Variants in DMD observed in about 807,000 individuals in gnomAD.
DMD encodes the protein dystrophin, also known as mutant dystrophin.
In DMD, 63 loss-of-function variants were observed where a neutral mutation model predicts 330.1. The ratio of observed to expected loss-of-function variants is 0.19; its 90% CI spans 0.16 to 0.24. The LOEUF (loss-of-function observed/expected upper bound fraction) is 0.24. Among genes scored for constraint, DMD ranks in the 10% least tolerant of loss-of-function variants. The pLI is 1.00. For synonymous variants in DMD, 1,223 were observed against 959.8 expected (o/e 1.27, Z -5.07); for missense variants, 3,344 against 2,684.1 (o/e 1.25, Z -5.43).
chrX:32,126,176 C>A (rs1299761783), intron 44 of DMD, among the ~76,000 whole-genome samples: 2 of 112,267 alleles, frequency 1.8e-5, no homozygotes, highest in East Asian at 2.8e-4. Context: ...AAGCTGTAGA[C>A]CACATTGGTA....
intron 2 of DMD, among the ~76,000 whole-genome samples, chrX:32,954,743 C>T (rs991905635): frequency 6.3e-5 from 7 of 110,728 alleles, no homozygotes; most frequent in Non-Finnish European, 9.4e-5. Context: ...CTCTAAGTGT[C>T]CATGTGTTTT....
intron 1 of DMD, among the ~76,000 whole-genome samples, chrX:33,057,319 A>C (rs2094529729): frequency 8.9e-6 from 1 of 112,030 alleles, no homozygotes; most frequent in South Asian, 3.6e-4. Context: ...TAGGCAATGG[A>C]AGTTAGATTA....
At chrX:32,525,934 C>T (rs765470586) in intron 17 of DMD, among the ~76,000 whole-genome samples, 2 of 111,742 alleles carry the variant, frequency 1.8e-5, no homozygotes, top group Non-Finnish European at 3.8e-5. Context: ...TGTATTTTTG[C>T]TTCTTCATAA....
chrX:32,204,504 GCTT>G (rs927234406), intron 44 of DMD, among the ~76,000 whole-genome samples: 4 of 111,399 alleles, frequency 3.6e-5, no homozygotes, highest in African/African-American at 6.5e-5. Flanking sequence ...TTCTGAACTG[GCTT>G]CTTAATTTTC....
intron 47 of DMD, among the ~76,000 whole-genome samples, chrX:31,922,181 T>G (rs996684268): frequency 9.0e-6 from 1 of 110,966 alleles, no homozygotes; most frequent in Non-Finnish European, 1.9e-5. Flanking sequence ...GAAGCTTCCA[T>G]AAAAAACAAA....
chrX:32,844,676 T>C, intron 4 of DMD, 107 bp downstream of exon 4: 1 of 673,395 alleles, frequency 1.5e-6, no homozygotes. Flanking sequence ...TGGTCTGATT[T>C]ACAAGAGAAT....
At chrX:31,548,175 C>T (rs1037159931) in intron 55 of DMD, among the ~76,000 whole-genome samples, 1 of 111,759 alleles carries the variant, frequency 8.9e-6, no homozygotes. Flanking sequence ...CATTGCCCTG[C>T]CCCCTGGAAC....
At chrX:32,862,215 A>C (rs1442029805) in intron 2 of DMD, among the ~76,000 whole-genome samples, 1 of 112,274 alleles carries the variant, frequency 8.9e-6, no homozygotes, top group Non-Finnish European at 1.9e-5. Context: ...GTTCAAGAGC[A>C]AAGCTACAAA....
chrX:32,210,156 C>A (rs941954695), intron 44 of DMD, among the ~76,000 whole-genome samples: 1 of 111,935 alleles, frequency 8.9e-6, no homozygotes, highest in Non-Finnish European at 1.9e-5. Context: ...TTGAAAAGCT[C>A]ATTTTAAAAT....
In DMD at chrX:32,333,382, C is replaced by T. The variant is rs553239988; in HGVS notation, c.5922+8718G>A. 7.2e-5 allele frequency among the ~76,000 whole-genome samples: 8 copies of T among 111,013 alleles called. No individual in the cohort carries two copies. In the South Asian group the frequency reaches 3.0e-3, roughly 42 times the overall value. ...ATCAGTACACAATTCTAGGTTCCTA[C>T]GTGGATGTTCTTTCATTGTTTTTGA... On this transcript the variant is annotated intron_variant, in intron 41 of 78. Transcript: ENST00000357033.
chrX:31,430,398 C>A (rs184779979), intron 60 of DMD, among the ~76,000 whole-genome samples: 134 of 111,645 alleles, frequency 1.2e-3, no homozygotes, highest in African/African-American at 4.1e-3. Context: ...TGACTATCAG[C>A]AGAGAATTCT....
At chrX:31,248,341 T>C (rs1234378122) in intron 63 of DMD, among the ~76,000 whole-genome samples, 1 of 112,020 alleles carries the variant, frequency 8.9e-6, no homozygotes, top group Non-Finnish European at 1.9e-5. Context: ...TTGAGAGTCA[T>C]GAGCATAAAC....
intron 47 of DMD, among the ~76,000 whole-genome samples, chrX:31,915,239 TTGA>T (rs10549501): frequency 0.42 from 46,798 of 110,116 alleles, 8,926 homozygotes; most frequent in African/African-American, 0.74. Flanking sequence ...GTGTGTTCTC[TTGA>T]TGATAAGAAA....
rs150665386 is a variant in DMD, at chrX:33,229,145, C to G, written c.7+110114G>C. 3.7e-3 allele frequency among the ~76,000 whole-genome samples: 408 copies of G among 110,721 alleles called. 1 individual carries two copies. Among genetic ancestry groups the G allele is most frequent in the African/African-American group, 0.012 (355 of 30,654 alleles). ...GCAACTGATATGCAAATATTTTCTCCCATTCTGTACCTTGTATTTCACTTC... is the reference window on the plus strand; with the variant it reads ...GCAACTGATATGCAAATATTTTCTCGCATTCTGTACCTTGTATTTCACTTC... On this transcript the variant is annotated intron_variant, in intron 1 of 17. Coordinates refer to the DMD transcript ENST00000288447.
chrX:33,250,107 ATAT>A (rs1264360335), intron 1 of DMD, among the ~76,000 whole-genome samples: 3 of 98,032 alleles, frequency 3.1e-5, no homozygotes, highest in African/African-American at 1.3e-4. Flanking sequence ...ATATATATAT[ATAT>A]ATCAATGTAC....
At chrX:33,309,148 CT>C (rs2053810173) in intron 1 of DMD, among the ~76,000 whole-genome samples, 1 of 111,424 alleles carries the variant, frequency 9.0e-6, no homozygotes, top group Admixed American at 9.6e-5. Context: ...GGAAATTGTT[CT>C]GGTTCCTGCA....
intron 51 of DMD, among the ~76,000 whole-genome samples, chrX:31,743,377 T>TA (rs2087528792): frequency 8.9e-6 from 1 of 112,330 alleles, no homozygotes; most frequent in Non-Finnish European, 1.9e-5. Context: ...ATTGCTTTAC[T>TA]AAAAAACCAC....
intron 44 of DMD, among the ~76,000 whole-genome samples, chrX:32,054,464 A>G (rs955342142): frequency 3.7e-5 from 4 of 107,265 alleles, no homozygotes; most frequent in Non-Finnish European, 7.7e-5. Context: ...TGTCCTTGCA[A>G]TAGTTTGCTG....
At chrX:31,909,858 TAACAGTTC>T (rs1281664483) in intron 47 of DMD, among the ~76,000 whole-genome samples, 1 of 112,632 alleles carries the variant, frequency 8.9e-6, no homozygotes, top group Non-Finnish European at 1.9e-5. Flanking sequence ...GAATAATATG[TAACAGTTC>T]AAACATTATG....
Sources: allele counts gnomAD v4.1 joint callset (sites outside exome capture counted in the v4.1 genomes callset), GRCh38; gene constraint gnomAD v4.1.1; transcripts MANE v1.5; gene names NCBI Gene and HGNC (gene_info 2026-07-23, HGNC 2026-07-21).